Variants in MIPOL1 observed in about 807,000 individuals in gnomAD.
MIPOL1 encodes mirror-image polydactyly gene 1 protein.
MIPOL1 carries 57 observed loss-of-function variants against 60.9 expected under a neutral mutation model. That is an observed-to-expected ratio of 0.94 (90% CI 0.76 to 1.17). The LOEUF is 1.17. MIPOL1 is among the 50% of genes most tolerant of loss of function. The pLI, the probability that MIPOL1 is intolerant of heterozygous loss-of-function variation, is 0.00. For synonymous variants in MIPOL1, 179 were observed against 168.8 expected (o/e 1.06, Z -0.47); for missense variants, 551 against 511.6 (o/e 1.08, Z -0.74).
At chr14:37,236,973 C>T (rs1193661398) in intron 1 of MIPOL1, among the ~76,000 whole-genome samples, 1 of 152,124 alleles carries the variant, frequency 6.6e-6, no homozygotes, top group Non-Finnish European at 1.5e-5. Context: ...GGGAATGCCT[C>T]TTGCCTGGGC....
intron 10 of MIPOL1, among the ~76,000 whole-genome samples, chr14:37,395,020 G>A (rs1378980686): frequency 1.3e-5 from 2 of 152,008 alleles, no homozygotes. Flanking sequence ...GTTGAAAAGG[G>A]TGTCCTTTCC....
intron 12 of MIPOL1, among the ~76,000 whole-genome samples, chr14:37,522,663 T>A (rs906195961): frequency 1.3e-5 from 2 of 152,164 alleles, no homozygotes; most frequent in African/African-American, 4.8e-5. Flanking sequence ...AAACTGTGAA[T>A]GAACACATGA....
chr14:37,204,698 T>G (rs1272820281), intron 1 of MIPOL1, among the ~76,000 whole-genome samples: 1 of 152,190 alleles, frequency 6.6e-6, no homozygotes, highest in Non-Finnish European at 1.5e-5. Context: ...GTCTCAAGTA[T>G]GTCTTTATTA....
chr14:37,345,056 G>A (rs1414223106), intron 9 of MIPOL1, among the ~76,000 whole-genome samples: 1 of 150,922 alleles, frequency 6.6e-6, no homozygotes, highest in Non-Finnish European at 1.5e-5. Context: ...TTAAATAATT[G>A]GTTTACCAAT....
chr14:37,447,768 C>A (rs548221417), intron 11 of MIPOL1, among the ~76,000 whole-genome samples: 2 of 152,196 alleles, frequency 1.3e-5, no homozygotes, highest in Non-Finnish European at 2.9e-5. Context: ...AACATAACTT[C>A]TACATTTATC....
intron 9 of MIPOL1, among the ~76,000 whole-genome samples, chr14:37,337,394 A>G (rs2090247874): frequency 1.1e-5 from 1 of 92,788 alleles, no homozygotes; most frequent in African/African-American, 4.8e-5. Flanking sequence ...TTTGAGACAG[A>G]GTCTCGCAAT....
chr14:37,229,359 T>A (rs1207491836), intron 1 of MIPOL1, among the ~76,000 whole-genome samples: 1 of 152,140 alleles, frequency 6.6e-6, no homozygotes, highest in Non-Finnish European at 1.5e-5. Flanking sequence ...TTGCTTATGC[T>A]GGTCTCAAAC....
chr14:37,449,691 T>C (rs1330024971), intron 11 of MIPOL1, among the ~76,000 whole-genome samples: 1 of 152,202 alleles, frequency 6.6e-6, no homozygotes. Context: ...CTTAACCAAG[T>C]ACTTAAAATT....
At chr14:37,229,299 G>A (rs1259523419) in intron 1 of MIPOL1, among the ~76,000 whole-genome samples, 2 of 152,048 alleles carry the variant, frequency 1.3e-5, no homozygotes, top group Non-Finnish European at 2.9e-5. Flanking sequence ...CTACATGCGT[G>A]TGCTACCACA....
chr14:37,457,207 AGAAAGGG>A (rs1489443598), intron 11 of MIPOL1, among the ~76,000 whole-genome samples: 3 of 152,176 alleles, frequency 2.0e-5, no homozygotes, highest in African/African-American at 7.2e-5. Flanking sequence ...TGAGCTCTCC[AGAAAGGG>A]ACTTTACCTA....
At chr14:37,325,690 G>T (rs1213679459) in intron 9 of MIPOL1, among the ~76,000 whole-genome samples, 1 of 151,488 alleles carries the variant, frequency 6.6e-6, no homozygotes, top group East Asian at 1.9e-4. Context: ...TCTCATTTTT[G>T]AAGGATATTT....
intron 12 of MIPOL1, among the ~76,000 whole-genome samples, chr14:37,530,261 C>T (rs2095471431): frequency 6.6e-6 from 1 of 152,056 alleles, no homozygotes; most frequent in Admixed American, 6.6e-5. Context: ...ATTAATAGAA[C>T]GTCTTTATTT....
At chr14:37,471,492 G>A (rs938309427) in intron 11 of MIPOL1, among the ~76,000 whole-genome samples, 5 of 152,078 alleles carry the variant, frequency 3.3e-5, no homozygotes, top group South Asian at 4.1e-4. Context: ...TAGAGATCTG[G>A]TGTCTTATTA....
At chr14:37,481,560 A>ACACAC (rs1491233595) in intron 11 of MIPOL1, among the ~76,000 whole-genome samples, 14 of 113,144 alleles carry the variant, frequency 1.2e-4, no homozygotes, top group African/African-American at 2.2e-4. Context: ...GACCCCCCCC[A>ACACAC]ACACACACAC....
At chr14:37,417,566 A>G (rs2093793456) in intron 10 of MIPOL1, among the ~76,000 whole-genome samples, 1 of 152,110 alleles carries the variant, frequency 6.6e-6, no homozygotes, top group South Asian at 2.1e-4. Flanking sequence ...ATAGCTTTTA[A>G]CTTTTTGGGT....
At chr14:37,218,306 G>A (rs1347100586) in intron 1 of MIPOL1, among the ~76,000 whole-genome samples, 1 of 151,860 alleles carries the variant, frequency 6.6e-6, no homozygotes, top group Non-Finnish European at 1.5e-5. Flanking sequence ...TCAGCCTCCC[G>A]AGTAGCTGGG....
chr14:37,476,414 A>G (rs899912430), intron 11 of MIPOL1, among the ~76,000 whole-genome samples: 1 of 152,120 alleles, frequency 6.6e-6, no homozygotes, highest in Non-Finnish European at 1.5e-5. Context: ...CCCAATCTTT[A>G]TACCTTTCAC....
At chr14:37,263,787 G>T (rs2082676193) in intron 3 of MIPOL1, among the ~76,000 whole-genome samples, 1 of 152,182 alleles carries the variant, frequency 6.6e-6, no homozygotes, top group Admixed American at 6.6e-5. Context: ...CACTAAAGTG[G>T]ATTACTAAAG....
chr14:37,443,110 C>T (rs1032494627), intron 11 of MIPOL1, among the ~76,000 whole-genome samples: 2 of 151,968 alleles, frequency 1.3e-5, no homozygotes, highest in Non-Finnish European at 2.9e-5. Flanking sequence ...GTGATATTAG[C>T]ATAAGAATAG....
Sources: allele counts gnomAD v4.1 joint callset (sites outside exome capture counted in the v4.1 genomes callset), GRCh38; gene constraint gnomAD v4.1.1; transcripts MANE v1.5; gene names NCBI Gene and HGNC (gene_info 2026-07-23, HGNC 2026-07-21).